The following GSK3B variants were observed in gnomAD, a reference collection of about 807,000 sequenced individuals.
GSK3B encodes glycogen synthase kinase-3 beta.
GSK3B carries 15 observed loss-of-function variants against 56.4 expected under a neutral mutation model. The observed-to-expected ratio is 0.27, with a 90% CI of 0.18 to 0.41. GSK3B has a LOEUF of 0.41. GSK3B is among the 10% of genes least tolerant of loss of function. The pLI is 1.00. For missense variants in GSK3B, 300 were observed against 513.4 expected (o/e 0.58, Z 4.02); for synonymous variants, 181 against 188.9 (o/e 0.96, Z 0.34).
At position 120,093,528 on chromosome 3, in the gene GSK3B, T is replaced by C; in HGVS notation, c.-94A>G. 3 of 789,038 alleles carry C rather than the reference T, an allele frequency of 3.8e-6. No homozygotes were observed. Among genetic ancestry groups the C allele is most frequent in the South Asian group, 1.4e-5 (1 of 69,814 alleles). The allele number at this position is 789,038 out of a possible 1,614,324, so 48.9% of individuals were successfully genotyped here. A position where few individuals can be genotyped will look rare whatever the true frequency, so the allele number is the denominator to read the frequency against. On this transcript the variant is annotated 5_prime_UTR_variant, in exon 1 of 11. It removes an upstream start codon present in the reference 5' UTR. Transcript: ENST00000264235. The stretch of plus-strand genomic sequence containing the variant: ...TGTTAGGTTAACGATAAATGCAGCA[T>C]TAAGTTCTCCCACAGAAGAAAAAGA...
intron 10 of GSK3B, among the ~76,000 whole-genome samples, chr3:119,833,689 TG>T (rs374441475): frequency 1.5e-3 from 224 of 145,844 alleles, no homozygotes; most frequent in East Asian, 9.5e-3. Context: ...AACATTAGGT[TG>T]TTTTTTTTTT....
At chr3:119,969,481 A>G (rs2057346817) in intron 2 of GSK3B, among the ~76,000 whole-genome samples, 1 of 152,202 alleles carries the variant, frequency 6.6e-6, no homozygotes, top group Non-Finnish European at 1.5e-5. Context: ...GTTACATTGC[A>G]GATATCAACA....
At chr3:120,052,321 G>A (rs2058157217) in intron 1 of GSK3B, among the ~76,000 whole-genome samples, 1 of 152,116 alleles carries the variant, frequency 6.6e-6, no homozygotes, top group Admixed American at 6.5e-5. Context: ...CTCATAAAAA[G>A]GTGAAAATAG....
chr3:120,088,061 T>G lies in GSK3B; in HGVS notation c.88+5286A>C, dbSNP rs1439114154. ...ACGCACACCACCACGCCCCCGCTAA[T>G]TTTTGTATTTTTAGTAGAGACGGGG... On this transcript the variant is annotated intron_variant, in intron 1 of 10. Transcript: ENST00000264235. 3.9e-5 allele frequency among the ~76,000 whole-genome samples: 6 copies of G among 152,234 alleles called. No individual in the cohort carries two copies. In the South Asian group the frequency reaches 6.2e-4, roughly 16 times the overall value.
intron 1 of GSK3B, among the ~76,000 whole-genome samples, chr3:120,057,284 C>T (rs2058199192): frequency 6.6e-6 from 1 of 151,950 alleles, no homozygotes; most frequent in Non-Finnish European, 1.5e-5. Context: ...AACAGGTCGC[C>T]AGATAAATTC....
chr3:119,941,153 T>C (rs1352043562), intron 3 of GSK3B, among the ~76,000 whole-genome samples: 1 of 151,878 alleles, frequency 6.6e-6, no homozygotes, highest in Admixed American at 6.6e-5. Context: ...GTAGCTGGGA[T>C]TACAGGCACT....
At chr3:119,845,269 C>T (rs1292262717) in intron 9 of GSK3B, among the ~76,000 whole-genome samples, 1 of 152,188 alleles carries the variant, frequency 6.6e-6, no homozygotes, top group Non-Finnish European at 1.5e-5. Flanking sequence ...AACAAGGGTG[C>T]CCTCTCTCAC....
intron 1 of GSK3B, among the ~76,000 whole-genome samples, chr3:120,031,899 T>C (rs2057979307): frequency 6.6e-6 from 1 of 152,172 alleles, no homozygotes; most frequent in African/African-American, 2.4e-5. Context: ...ATGAGCAAAA[T>C]AACTCAAGTT....
chr3:120,042,582 A>G (rs80258650), intron 1 of GSK3B, among the ~76,000 whole-genome samples: 18 of 152,348 alleles, frequency 1.2e-4, no homozygotes, highest in Non-Finnish European at 2.5e-4. Flanking sequence ...ATTAATGACA[A>G]TAGATCACCT....
In GSK3B at chr3:119,863,614, C is replaced by T. The variant is rs1380461148; in HGVS notation, c.910-9G>A. 2 of 1,552,362 alleles carry T rather than the reference C, an allele frequency of 1.3e-6. No individual in the cohort carries two copies. Among genetic ancestry groups the T allele is most frequent in the African/African-American group, 1.4e-5 (1 of 72,720 alleles). ...GTTCGGGGTCGGAAGACCTGCAGTACAAAAAAAGGGAAAGAACAATTAATG... is the reference window on the plus strand; with the variant it reads ...GTTCGGGGTCGGAAGACCTGCAGTATAAAAAAAGGGAAAGAACAATTAATG... On this transcript the variant is annotated splice_polypyrimidine_tract_variant and intron_variant, in intron 8 of 10. Coordinates refer to ENST00000264235, the MANE Select transcript of GSK3B (RefSeq NM_001146156.2).
intron 1 of GSK3B, among the ~76,000 whole-genome samples, chr3:120,067,599 A>C (rs770924432): frequency 6.6e-6 from 1 of 152,214 alleles, no homozygotes; most frequent in East Asian, 1.9e-4. Context: ...TCAAAAAATC[A>C]TAAGTTGAAC....
intron 3 of GSK3B, among the ~76,000 whole-genome samples, chr3:119,940,707 G>A (rs2057039859): frequency 6.6e-6 from 1 of 151,838 alleles, no homozygotes; most frequent in Non-Finnish European, 1.5e-5. Context: ...ATCTTTTGGG[G>A]GTCAGAGATT....
chr3:119,854,911 C>CT (rs1172413129), intron 9 of GSK3B, among the ~76,000 whole-genome samples: 2 of 152,146 alleles, frequency 1.3e-5, no homozygotes, highest in Non-Finnish European at 2.9e-5. Flanking sequence ...TTTTGCGTCT[C>CT]TATCTCCTTC....
chr3:119,941,252 G>A (rs2057046116), intron 3 of GSK3B, among the ~76,000 whole-genome samples: 1 of 152,038 alleles, frequency 6.6e-6, no homozygotes, highest in Non-Finnish European at 1.5e-5. Context: ...CCTGACCCCA[G>A]GAGATTCACC....
intron 1 of GSK3B, among the ~76,000 whole-genome samples, chr3:120,031,838 G>C (rs562214349): frequency 6.6e-6 from 1 of 152,188 alleles, no homozygotes; most frequent in African/African-American, 2.4e-5. Flanking sequence ...TTTATAAACA[G>C]TAAGAGCTCA....
At chr3:120,000,543 C>CATGTTTA (rs1390599819) in intron 2 of GSK3B, among the ~76,000 whole-genome samples, 2 of 152,172 alleles carry the variant, frequency 1.3e-5, no homozygotes, top group Non-Finnish European at 2.9e-5. Flanking sequence ...TATATCCCTT[C>CATGTTTA]ATGTTTACCA....
intron 1 of GSK3B, among the ~76,000 whole-genome samples, chr3:120,086,320 C>T (rs1180448998): frequency 2.6e-5 from 4 of 152,172 alleles, no homozygotes; most frequent in African/African-American, 7.2e-5. Flanking sequence ...GGCTAGCACA[C>T]TAAAGACTTT....
intron 1 of GSK3B, among the ~76,000 whole-genome samples, chr3:120,054,012 G>C (rs2058172653): frequency 6.6e-6 from 1 of 152,136 alleles, no homozygotes; most frequent in Non-Finnish European, 1.5e-5. Context: ...TTAGAACAGG[G>C]CTGTTGCTAT....
At chr3:119,946,426 A>G (rs891884054) in intron 3 of GSK3B, among the ~76,000 whole-genome samples, 2 of 152,220 alleles carry the variant, frequency 1.3e-5, no homozygotes, top group Admixed American at 6.5e-5. Context: ...GGAATCAAGT[A>G]TTATGGATCT....
Sources: allele counts gnomAD v4.1 joint callset (sites outside exome capture counted in the v4.1 genomes callset), GRCh38; gene constraint gnomAD v4.1.1; transcripts MANE v1.5; gene names NCBI Gene and HGNC (gene_info 2026-07-23, HGNC 2026-07-21).